Variants in NDUFAF6 observed in about 807,000 individuals in gnomAD.
The protein encoded by NDUFAF6 is NADH:ubiquinone oxidoreductase complex assembly factor 6, also known as NADH dehydrogenase (ubiquinone) complex I, assembly factor 6.
In NDUFAF6, 45 loss-of-function variants were observed where a neutral mutation model predicts 40.8. The observed-to-expected ratio is 1.10, with a 90% confidence interval of 0.87 to 1.42. NDUFAF6 has a LOEUF of 1.42. NDUFAF6 is among the 40% of genes most tolerant of loss of function. The probability of loss-of-function intolerance (pLI) is 0.00; values close to 1 mark genes in which losing one functional copy is unlikely to be tolerated. For synonymous variants in NDUFAF6, 185 were observed against 155.9 expected (o/e 1.19, Z -1.39); for missense variants, 435 against 418.5 (o/e 1.04, Z -0.34).
intron 1 of NDUFAF6, among the ~76,000 whole-genome samples, chr8:94,965,862 C>G (rs1310722864): frequency 6.6e-6 from 1 of 150,504 alleles, no homozygotes; most frequent in Admixed American, 6.6e-5. Context: ...TATGCCAGCA[C>G]TGTTTTAGAG....
At chr8:95,050,858 G>T (rs1831350237) in intron 7 of NDUFAF6, among the ~76,000 whole-genome samples, 1 of 152,134 alleles carries the variant, frequency 6.6e-6, no homozygotes, top group South Asian at 2.1e-4. Context: ...ACGTAACAAG[G>T]CTTGATAACT....
chr8:95,063,552 G>C (rs543376241), downstream of NDUFAF6, among the ~76,000 whole-genome samples: 3 of 152,140 alleles, frequency 2.0e-5, no homozygotes, highest in African/African-American at 7.2e-5. Context: ...AGCCGAGATC[G>C]CTCCACTGCC....
rs923518694 is a variant in NDUFAF6 at position 94,896,230 on chromosome 8, C to T, written c.-936+303C>T. 1.5e-3 allele frequency among the ~76,000 whole-genome samples: 231 copies of T among 149,282 alleles called. 1 individual carries two copies. Among genetic ancestry groups the T allele is most frequent in the Admixed American group, 4.2e-3 (63 of 15,044 alleles). On this transcript the variant is annotated intron_variant, in intron 1 of 14. Transcript: ENST00000396113. ...CCTGGCCGGGTGGGAAGAAAGATCG[C>T]CACCACGTGCAGGCCCCGGGCCCGC... is the stretch of plus-strand genomic sequence containing the variant.
chr8:94,995,993 G>C (rs1826412610), intron 2 of NDUFAF6, among the ~76,000 whole-genome samples: 1 of 152,090 alleles, frequency 6.6e-6, no homozygotes, highest in Non-Finnish European at 1.5e-5. Flanking sequence ...GGTCAGGTTG[G>C]TCTCAAACTC....
intron 2 of NDUFAF6, among the ~76,000 whole-genome samples, chr8:94,995,535 G>A (rs1041572699): frequency 3.3e-5 from 5 of 151,934 alleles, no homozygotes; most frequent in African/African-American, 7.3e-5. Flanking sequence ...AGTCTGAGGC[G>A]GGAGGATTGC....
chr8:94,979,996 C>G (rs773697474), intron 1 of NDUFAF6, among the ~76,000 whole-genome samples: 1 of 151,756 alleles, frequency 6.6e-6, no homozygotes, highest in Admixed American at 6.6e-5. Flanking sequence ...ACTCGGGAGG[C>G]TGAAGTAGGA....
intron 1 of NDUFAF6, among the ~76,000 whole-genome samples, chr8:95,028,935 T>A (rs1828497369): frequency 1.3e-5 from 2 of 152,348 alleles, no homozygotes; most frequent in South Asian, 4.1e-4. Flanking sequence ...AACCATTTTG[T>A]TCCCCAAAGG....
At chr8:95,092,317 GA>G (rs1412151816) in intron 2 of NDUFAF6, among the ~76,000 whole-genome samples, 10 of 151,646 alleles carry the variant, frequency 6.6e-5, no homozygotes, top group Non-Finnish European at 1.2e-4. Flanking sequence ...AAGTAGCTGG[GA>G]TTACAGACAC....
intron 2 of NDUFAF6, among the ~76,000 whole-genome samples, chr8:94,984,730 G>A (rs556619287): frequency 6.6e-6 from 1 of 152,362 alleles, no homozygotes; most frequent in East Asian, 1.9e-4. Flanking sequence ...AGATGTGGAA[G>A]AGGCAGAATT....
At chr8:95,027,616 A>G (rs1016387094) in intron 1 of NDUFAF6, among the ~76,000 whole-genome samples, 1 of 151,030 alleles carries the variant, frequency 6.6e-6, no homozygotes, top group Non-Finnish European at 1.5e-5. Flanking sequence ...TTTTTTCCTC[A>G]TTTGTAAATG....
At chr8:94,908,996 A>G (rs1306076959) in intron 1 of NDUFAF6, among the ~76,000 whole-genome samples, 2 of 152,198 alleles carry the variant, frequency 1.3e-5, no homozygotes, top group Non-Finnish European at 2.9e-5. Context: ...CAAAAGAGGA[A>G]AATAAGAATT....
Position 94,982,563 on chromosome 8 carries a change from A to T in NDUFAF6, c.-84+1590A>T, listed in dbSNP as rs572927309. On this transcript the variant is annotated intron_variant, in intron 2 of 9. Coordinates refer to the NDUFAF6 transcript ENST00000396111. ...TAGCCTAGTTTGATGAAACTATCTC[A>T]TCATGAAACCCAACTCCTATTTCTG... is the stretch of plus-strand genomic sequence containing the variant. Among the ~76,000 whole-genome samples the T allele has an allele frequency of 2.0e-5, 3 of 152,360 alleles. No individual in the cohort carries two copies. The East Asian group carries it at 5.8e-4, about 29-fold the overall frequency.
At chr8:95,020,920 T>G (rs1337930058), upstream of NDUFAF6, among the ~76,000 whole-genome samples, 1 of 152,074 alleles carries the variant, frequency 6.6e-6, no homozygotes, top group Non-Finnish European at 1.5e-5. Flanking sequence ...AGGTGTTTAA[T>G]TAGGTGTTTG....
chr8:94,948,160 A>C (rs1469276814), intron 2 of NDUFAF6, among the ~76,000 whole-genome samples: 1 of 152,234 alleles, frequency 6.6e-6, no homozygotes, highest in Non-Finnish European at 1.5e-5. Flanking sequence ...TAACCTACTG[A>C]GCAGATATAA....
intron 2 of NDUFAF6, among the ~76,000 whole-genome samples, chr8:95,086,286 A>G (rs983129253): frequency 6.6e-6 from 1 of 152,226 alleles, no homozygotes; most frequent in African/African-American, 2.4e-5. Context: ...CAACTGCAAA[A>G]TAAACAGAAA....
intron 2 of NDUFAF6, among the ~76,000 whole-genome samples, chr8:95,094,747 TCTTC>T (rs779070086): frequency 1.3e-5 from 1 of 74,740 alleles, no homozygotes; most frequent in African/African-American, 7.3e-5. Flanking sequence ...TTCTTCTTCT[TCTTC>T]TTTTTTTTTT....
chr8:94,970,437 A>G (rs1292147074), intron 1 of NDUFAF6, among the ~76,000 whole-genome samples: 1 of 152,152 alleles, frequency 6.6e-6, no homozygotes, highest in Non-Finnish European at 1.5e-5. Context: ...AGTTAACAAC[A>G]GAAAATAGCC....
chr8:94,945,592 C>T (rs1473099295), exon 2 of NDUFAF6: 1 of 152,252 alleles, frequency 6.6e-6, no homozygotes, highest in Admixed American at 6.5e-5. Context: ...GGGATGGAGG[C>T]TCTCAACTGG....
intron 6 of NDUFAF6, among the ~76,000 whole-genome samples, chr8:95,047,387 T>C (rs1477483435): frequency 6.6e-6 from 1 of 152,202 alleles, no homozygotes; most frequent in Non-Finnish European, 1.5e-5. Context: ...GATGCCTTGC[T>C]CCCTTCCAAA....
Sources: allele counts gnomAD v4.1 joint callset (sites outside exome capture counted in the v4.1 genomes callset), GRCh38; gene constraint gnomAD v4.1.1; transcripts MANE v1.5; gene names NCBI Gene and HGNC (gene_info 2026-07-23, HGNC 2026-07-21).